The following CDH7 variants were observed in gnomAD, a reference collection of about 807,000 sequenced individuals.
CDH7 encodes the protein cadherin 7, also known as cadherin-7.
CDH7 carries 25 observed loss-of-function variants against 71.8 expected under a neutral mutation model. The ratio of observed to expected loss-of-function variants is 0.35; its 90% CI spans 0.25 to 0.49. The LOEUF is 0.49. Among genes scored for constraint, CDH7 ranks in the 20% least tolerant of loss-of-function variants. The pLI, the probability that CDH7 is intolerant of heterozygous loss-of-function variation, is 0.99. For missense variants in CDH7, 862 were observed against 974.6 expected, an observed-to-expected ratio of 0.88 and a Z score of 1.54; for synonymous variants, 381 against 363.8, an observed-to-expected ratio of 1.05 and a Z score of -0.54.
At chr18:65,768,575 A>G (rs969123718) in intron 2 of CDH7, among the ~76,000 whole-genome samples, 1 of 152,280 alleles carries the variant, frequency 6.6e-6, no homozygotes, top group South Asian at 2.1e-4. Flanking sequence ...AACTGAAACG[A>G]TGATTGAGTT....
At chr18:65,757,862 A>T (rs1412733051) in intron 1 of CDH7, among the ~76,000 whole-genome samples, 1 of 152,074 alleles carries the variant, frequency 6.6e-6, no homozygotes, top group African/African-American at 2.4e-5. Context: ...ACATGCATGG[A>T]TGCAGAGTAC....
chr18:65,820,887 A>G (rs925404339), intron 4 of CDH7, among the ~76,000 whole-genome samples: 1 of 152,264 alleles, frequency 6.6e-6, no homozygotes, highest in Non-Finnish European at 1.5e-5. Context: ...TCTCCATCAC[A>G]ATAAATGTGC....
At chr18:65,827,851 A>T (rs770899337) in intron 6 of CDH7, among the ~76,000 whole-genome samples, 3 of 151,912 alleles carry the variant, frequency 2.0e-5, no homozygotes, top group Non-Finnish European at 4.4e-5. Context: ...TTAAGACGAG[A>T]TATCTGAAAT....
chr18:65,883,022 G>A lies in CDH7; in HGVS notation c.*2128G>A, dbSNP rs1290242245. ...GAGGTGTGGATGTATTTTAGAAAAGGAACACACATCATTCACCCTGCTTTT... is the reference window on the plus strand; with the variant it reads ...GAGGTGTGGATGTATTTTAGAAAAGAAACACACATCATTCACCCTGCTTTT... On this transcript the variant is annotated 3_prime_UTR_variant, in exon 12 of 12. Transcript: ENST00000397968. 6.6e-6 allele frequency: 1 copy of A among 152,082 alleles called. No homozygotes were observed. The highest frequency in any genetic ancestry group is 1.5e-5 in the Non-Finnish European group (1 of 67,978). The allele number at this position is 152,082 out of a possible 1,614,324, so 9.4% of individuals were successfully genotyped here.
Position 65,771,918 on chromosome 18 carries a change from G to A in CDH7, c.210+8866G>A, listed in dbSNP as rs190927639. Among the ~76,000 whole-genome samples, 61 of 152,144 alleles carry A rather than the reference G, an allele frequency of 4.0e-4. 1 individual carries two copies. Among genetic ancestry groups the A allele is most frequent in the South Asian group, 8.3e-4 (4 of 4,818 alleles). The stretch of plus-strand genomic sequence containing the variant: ...TCTTTGTCTTTTTTAAGATAAATGC[G>A]GAAGAGTAATTTCTCAAGATGGGGC... On this transcript the variant is annotated intron_variant, in intron 2 of 11. Coordinates refer to ENST00000397968, the MANE Select transcript of CDH7 (RefSeq NM_004361.5).
intron 2 of CDH7, among the ~76,000 whole-genome samples, chr18:65,792,047 A>G (rs1003042927): frequency 1.3e-5 from 2 of 152,270 alleles, no homozygotes; most frequent in South Asian, 4.2e-4. Flanking sequence ...TGAAAACTAC[A>G]TTAACTATTT....
chr18:65,767,835 T>A (rs946785690), intron 2 of CDH7, among the ~76,000 whole-genome samples: 2 of 152,238 alleles, frequency 1.3e-5, no homozygotes, highest in African/African-American at 2.4e-5. Context: ...GCAAATACAT[T>A]GTTATTTTGT....
rs1437131050 is a variant in CDH7 at position 65,822,136 on chromosome 18, G to A, written c.681G>A (p.Leu227=). 6.2e-7 allele frequency: 1 copy of A among 1,612,804 alleles called. No individual in the cohort carries two copies. ...NMDREAKDQY[L]LVIQAKDMVG... ...ATAGAGAGGCTAAAGACCAGTATTT[G>A]CTTGTCATTCAGGCAAAGGATATGG... The change falls in exon 5 of 12, where the codon TTG becomes TTA. Residue 227 remains leucine, a synonymous_variant. Transcript: ENST00000397968.
At chr18:65,874,994 C>T (rs928916427) in intron 11 of CDH7, among the ~76,000 whole-genome samples, 5 of 152,108 alleles carry the variant, frequency 3.3e-5, no homozygotes, top group African/African-American at 1.2e-4. Context: ...GGCCCGCGGG[C>T]CACATGTGGC....
chr18:65,812,364 C>T (rs968291125), intron 3 of CDH7, among the ~76,000 whole-genome samples: 43 of 152,106 alleles, frequency 2.8e-4, no homozygotes, highest in Non-Finnish European at 6.0e-4. Context: ...TCAGGGTGTA[C>T]TTGACACCAA....
At chr18:65,875,921 T>A in intron 11 of CDH7, among the ~76,000 whole-genome samples, 1 of 152,112 alleles carries the variant, frequency 6.6e-6, no homozygotes, top group East Asian at 1.9e-4. Flanking sequence ...AAAGTGAGAC[T>A]CTGTCTCCAA....
intron 2 of CDH7, among the ~76,000 whole-genome samples, chr18:65,792,160 C>T (rs1031636802): frequency 1.3e-5 from 2 of 149,480 alleles, no homozygotes; most frequent in African/African-American, 4.9e-5. Context: ...CTCCATGGAG[C>T]CCCAGAATGT....
At chr18:65,792,989 G>A (rs1251851085) in intron 2 of CDH7, among the ~76,000 whole-genome samples, 2 of 152,096 alleles carry the variant, frequency 1.3e-5, no homozygotes, top group African/African-American at 2.4e-5. Flanking sequence ...GCTGTACTCC[G>A]TGGAGCATCA....
Position 65,858,605 on chromosome 18 carries a change from C to T in CDH7, c.1373-320C>T, listed in dbSNP as rs1422775336. Among the ~76,000 whole-genome samples, 4 of 151,696 alleles carry T rather than the reference C, an allele frequency of 2.6e-5. 1 individual carries two copies. In the South Asian group the frequency reaches 8.3e-4, roughly 31 times the overall value. On this transcript the variant is annotated intron_variant, in intron 8 of 11. Transcript: ENST00000397968. The stretch of plus-strand genomic sequence containing the variant: ...AGTACACATGTAGACCATAAATATA[C>T]ATTTATATATATGCATGTATATCCA...
rs1224080276 is a variant in CDH7, at chr18:65,781,819, CTTCT to C, written c.210+18812_210+18815del. ...CCTTCCTTCCTTCCTTCCTTCCTTC[CTTCT>C]TTCTTTCTTTCTTTCTTTCTTTCTT... On this transcript the variant is annotated intron_variant, in intron 2 of 11. Transcript: ENST00000397968. 3.3e-3 allele frequency among the ~76,000 whole-genome samples: 145 copies of C among 43,820 alleles called. 5 individuals carry two copies. The highest frequency in any genetic ancestry group is 5.3e-3 in the Admixed American group (21 of 3,934). 28.7% of individuals were successfully genotyped at this position (43,820 alleles called of 152,430 possible).
In CDH7 at chr18:65,880,643, G is replaced by A. The variant is rs1914198594; in HGVS notation, c.2107G>A (p.Asp703Asn). The A allele has an allele frequency of 6.2e-7, 1 of 1,613,986 alleles. No individual in the cohort carries two copies. Among genetic ancestry groups the A allele is most frequent in the African/African-American group, 1.3e-5 (1 of 74,978 alleles). The change falls in exon 12 of 12, where the codon GAT becomes AAT. Residue 703 changes from aspartate to asparagine, a missense_variant. Transcript: ENST00000397968. ...TCGACCAGCTTTTAAAAGCATCCCA[G>A]ATAATGTCATCTTTAGGGAATTTAT... Reference protein sequence around the residue: ...LSRPAFKSIPDNVIFREFIWE... With the variant: ...LSRPAFKSIPNNVIFREFIWE...
intron 2 of CDH7, among the ~76,000 whole-genome samples, chr18:65,799,371 G>A (rs151028039): frequency 1.7e-3 from 252 of 152,130 alleles, no homozygotes; most frequent in African/African-American, 5.9e-3. Flanking sequence ...TGAGTCAACA[G>A]GAGTGAGGTA....
intron 6 of CDH7, among the ~76,000 whole-genome samples, chr18:65,829,546 C>G (rs1357112908): frequency 6.6e-6 from 1 of 151,010 alleles, no homozygotes; most frequent in Non-Finnish European, 1.5e-5. Context: ...TTTCACTCAA[C>G]AATCTAGAGC....
chr18:65,775,557 G>A (rs181780910), intron 2 of CDH7, among the ~76,000 whole-genome samples: 47 of 152,222 alleles, frequency 3.1e-4, no homozygotes, highest in Non-Finnish European at 4.7e-4. Context: ...TAAAGGATAA[G>A]GCAGGGATGT....
Sources: gnomAD v4.1 joint callset for allele counts (sites outside exome capture counted in the v4.1 genomes callset) on GRCh38, gnomAD v4.1.1 for gene constraint, MANE v1.5 for transcripts, NCBI Gene and HGNC (gene_info 2026-07-23, HGNC 2026-07-21) for gene names.